The following EPHA6 variants were observed in gnomAD, a reference collection of about 807,000 sequenced individuals.
EPHA6 encodes EPH receptor A6, also known as ephrin type-A receptor 6.
Under a neutral mutation model 112.0 loss-of-function variants are expected in EPHA6, and 50 were observed. That is an observed-to-expected ratio of 0.45 (90% confidence interval 0.36 to 0.56). The LOEUF is 0.56. Among genes scored for constraint, EPHA6 ranks in the 20% least tolerant of loss-of-function variants. The pLI is 0.00. For synonymous variants in EPHA6, 529 were observed against 490.7 expected, an observed-to-expected ratio of 1.08 and a Z score of -1.03; for missense variants, 1,280 against 1,417.4, an observed-to-expected ratio of 0.90 and a Z score of 1.56.
intron 10 of EPHA6, among the ~76,000 whole-genome samples, chr3:97,503,779 C>CT (rs2092181403): frequency 6.6e-6 from 1 of 152,116 alleles, no homozygotes; most frequent in Non-Finnish European, 1.5e-5. Context: ...AAAACATGTC[C>CT]TTTTAGGAAA....
chr3:97,266,740 G>A (rs995999454), intron 5 of EPHA6, among the ~76,000 whole-genome samples: 31 of 152,074 alleles, frequency 2.0e-4, no homozygotes, highest in African/African-American at 7.2e-4. Context: ...ACCTTGTCTT[G>A]ATGAACTGCA....
intron 10 of EPHA6, among the ~76,000 whole-genome samples, chr3:97,523,535 T>C (rs1044751794): frequency 8.5e-5 from 13 of 152,064 alleles, no homozygotes; most frequent in Non-Finnish European, 1.3e-4. Flanking sequence ...ACCTGTTAGG[T>C]CCATTTGGGG....
At chr3:97,326,697 C>T (rs2082441089) in intron 5 of EPHA6, among the ~76,000 whole-genome samples, 1 of 152,026 alleles carries the variant, frequency 6.6e-6, no homozygotes, top group South Asian at 2.1e-4. Flanking sequence ...AAATTGGATG[C>T]ACACATCATG....
chr3:97,017,497 GCTTGGGGGCCCCAAATAAA>G (rs1423059077), intron 3 of EPHA6, among the ~76,000 whole-genome samples: 18 of 152,190 alleles, frequency 1.2e-4, no homozygotes, highest in African/African-American at 4.3e-4. Flanking sequence ...ATGCTAAAGT[GCTTGGGGGCCCCAAATAAA>G]CGGGAAAGGC....
chr3:97,186,805 C>T (rs2077151645), intron 3 of EPHA6, among the ~76,000 whole-genome samples: 1 of 152,086 alleles, frequency 6.6e-6, no homozygotes, highest in South Asian at 2.1e-4. Flanking sequence ...CTGTCAAATA[C>T]AGCCAGTAGC....
intron 2 of EPHA6, among the ~76,000 whole-genome samples, chr3:96,939,006 G>T (rs1295871510): frequency 6.6e-6 from 1 of 152,104 alleles, no homozygotes; most frequent in African/African-American, 2.4e-5. Context: ...GATTTGGTTT[G>T]CCAGTATTTT....
At chr3:97,249,003 A>G (rs144180801) in intron 5 of EPHA6, among the ~76,000 whole-genome samples, 15 of 152,088 alleles carry the variant, frequency 9.9e-5, no homozygotes, top group African/African-American at 3.6e-4. Context: ...AAAAATGCTC[A>G]CAGCAAATAT....
intron 14 of EPHA6, among the ~76,000 whole-genome samples, chr3:97,714,155 A>G (rs2034110014): frequency 6.6e-6 from 1 of 152,216 alleles, no homozygotes; most frequent in Non-Finnish European, 1.5e-5. Context: ...AGGAATTGAG[A>G]TGCTGATCTG....
chr3:97,327,999 ATGTATATGTATATGTG>A, intron 5 of EPHA6, among the ~76,000 whole-genome samples: 1 of 136,206 alleles, frequency 7.3e-6, no homozygotes, highest in African/African-American at 3.1e-5. Flanking sequence ...GTATATGTGT[ATGTATATGTATATGTG>A]TATATATGTA....
chr3:96,838,839 C>G (rs1305445274), intron 1 of EPHA6, among the ~76,000 whole-genome samples: 1 of 152,006 alleles, frequency 6.6e-6, no homozygotes, highest in Admixed American at 6.6e-5. Context: ...AGCCCCTCCC[C>G]CAATAAATAT....
At chr3:97,288,428 A>G (rs905957882) in intron 5 of EPHA6, among the ~76,000 whole-genome samples, 1 of 152,170 alleles carries the variant, frequency 6.6e-6, no homozygotes, top group Admixed American at 6.5e-5. Flanking sequence ...ATTCTTTTTC[A>G]TGACTGCTTA....
At chr3:96,980,492 T>C (rs563130407) in intron 2 of EPHA6, among the ~76,000 whole-genome samples, 1,980 of 152,312 alleles carry the variant, frequency 0.013, 36 homozygotes, top group African/African-American at 0.044. Flanking sequence ...GCATGATGCC[T>C]CCAGCTTTGT....
chr3:97,664,760 A>G (rs1352512206), intron 14 of EPHA6, among the ~76,000 whole-genome samples: 1 of 152,204 alleles, frequency 6.6e-6, no homozygotes, highest in Non-Finnish European at 1.5e-5. Context: ...AATCCAACTT[A>G]CAAGGGATGT....
In EPHA6 at chr3:97,668,172, T is replaced by C. The variant is rs557964178; in HGVS notation, c.2784+30090T>C. Among the ~76,000 whole-genome samples the C allele has an allele frequency of 5.9e-5, 9 of 152,318 alleles. No individual in the cohort carries two copies. In the South Asian group the frequency reaches 1.9e-3, roughly 32 times the overall value. On this transcript the variant is annotated intron_variant, in intron 14 of 17. Transcript: ENST00000389672. ...TGAGAGTTACCAACTGCCCTCATAA[T>C]CTTGCTTCAAAGTATAATGAGAGCA...
At chr3:97,019,752 C>T (rs1385471218) in intron 3 of EPHA6, among the ~76,000 whole-genome samples, 2 of 151,978 alleles carry the variant, frequency 1.3e-5, no homozygotes, top group African/African-American at 2.4e-5. Flanking sequence ...TTTTAATAAA[C>T]TCGAGAACAT....
At chr3:97,078,156 A>G (rs936868525) in intron 3 of EPHA6, among the ~76,000 whole-genome samples, 1 of 152,146 alleles carries the variant, frequency 6.6e-6, no homozygotes, top group Non-Finnish European at 1.5e-5. Context: ...GATGATGAGC[A>G]TTTTTTCACA....
In EPHA6 at chr3:96,864,420, A is replaced by G. The variant is rs79303992; in HGVS notation, c.386-2405A>G. Among the ~76,000 whole-genome samples, 1,428 of 152,194 alleles carry G rather than the reference A, an allele frequency of 9.4e-3. 15 individuals carry two copies. Among genetic ancestry groups the G allele is most frequent in the Middle Eastern group, 0.017 (5 of 294 alleles). The stretch of plus-strand genomic sequence containing the variant: ...TGACATAGATGGATCTCAAATGCAT[A>G]TGTGAAGTAAGGAAACCAGGCTCAA... On this transcript the variant is annotated intron_variant, in intron 1 of 17. Transcript: ENST00000389672.
chr3:97,379,749 C>G (rs9832669), intron 5 of EPHA6, among the ~76,000 whole-genome samples: 1 of 110,470 alleles, frequency 9.1e-6, no homozygotes, highest in Non-Finnish European at 1.8e-5. Context: ...ACTCTGTCTC[C>G]CCAAAAAAAA....
At chr3:96,959,812 A>G (rs1378465723) in intron 2 of EPHA6, among the ~76,000 whole-genome samples, 1 of 151,978 alleles carries the variant, frequency 6.6e-6, no homozygotes, top group Non-Finnish European at 1.5e-5. Context: ...AAAGACAAAA[A>G]GGGAACCACT....
Sources: allele counts gnomAD v4.1 joint callset (sites outside exome capture counted in the v4.1 genomes callset), GRCh38; gene constraint gnomAD v4.1.1; transcripts MANE v1.5; gene names NCBI Gene and HGNC (gene_info 2026-07-23, HGNC 2026-07-21).